PTPRT: variants seen among roughly 807,000 people sequenced by gnomAD.
PTPRT encodes the protein protein tyrosine phosphatase receptor type T, also known as receptor-type tyrosine-protein phosphatase T.
A neutral mutation model predicts 176.8 loss-of-function variants in PTPRT; 56 were observed. The observed-to-expected ratio is 0.32, with a 90% CI of 0.26 to 0.40. PTPRT has a LOEUF of 0.40. PTPRT is among the 10% of genes least tolerant of loss of function. The probability of loss-of-function intolerance (pLI) is 1.00; values close to 1 mark genes in which losing one functional copy is unlikely to be tolerated. For missense variants in PTPRT, 1,540 were observed against 1,908.2 expected (o/e 0.81, Z 3.60); for synonymous variants, 783 against 739.0 (o/e 1.06, Z -0.96).
chr20:42,755,249 C>T (rs1272897783), intron 6 of PTPRT, among the ~76,000 whole-genome samples: 1 of 152,150 alleles, frequency 6.6e-6, no homozygotes, highest in African/African-American at 2.4e-5. Flanking sequence ...GAATCCCAGC[C>T]TGCAACCCCC....
At chr20:42,110,820 A>G (rs1276676623) in intron 22 of PTPRT, among the ~76,000 whole-genome samples, 1 of 152,158 alleles carries the variant, frequency 6.6e-6, no homozygotes, top group Non-Finnish European at 1.5e-5. Context: ...AATGTTTCAT[A>G]GGAGGTGTAT....
chr20:43,137,261 G>C (rs1183697377), intron 1 of PTPRT, among the ~76,000 whole-genome samples: 2 of 152,204 alleles, frequency 1.3e-5, no homozygotes, highest in Non-Finnish European at 2.9e-5. Flanking sequence ...TGACCCCCAA[G>C]ATGTCAGTGT....
At chr20:42,573,260 C>T (rs1438991571) in intron 7 of PTPRT, among the ~76,000 whole-genome samples, 3 of 152,168 alleles carry the variant, frequency 2.0e-5, no homozygotes, top group African/African-American at 7.2e-5. Context: ...TGCACAAGCC[C>T]AGCCTGCACT....
intron 2 of PTPRT, among the ~76,000 whole-genome samples, chr20:42,850,845 C>T (rs560408913): frequency 6.6e-6 from 1 of 152,150 alleles, no homozygotes; most frequent in Non-Finnish European, 1.5e-5. Flanking sequence ...CAAAGAGCAG[C>T]CCTTGGACCA....
intron 7 of PTPRT, chr20:42,606,906 A>G (rs2073887085): frequency 6.6e-6 from 1 of 152,218 alleles, no homozygotes; most frequent in East Asian, 1.9e-4. Context: ...GCTATTCATC[A>G]TAGCTAAATT....
chr20:42,935,313 A>C (rs206642), intron 1 of PTPRT, among the ~76,000 whole-genome samples: 2,722 of 151,590 alleles, frequency 0.018, 78 homozygotes, highest in African/African-American at 0.063. Context: ...CTAATTTCTA[A>C]ATTTTTTGTA....
chr20:42,408,500 T>A (rs1478925683), intron 9 of PTPRT, among the ~76,000 whole-genome samples: 1 of 151,992 alleles, frequency 6.6e-6, no homozygotes, highest in Non-Finnish European at 1.5e-5. Flanking sequence ...GCAACAAAAT[T>A]AGGGCATGCA....
At chr20:42,124,200 G>A (rs776604753) in intron 19 of PTPRT, among the ~76,000 whole-genome samples, 1 of 152,226 alleles carries the variant, frequency 6.6e-6, no homozygotes, top group Non-Finnish European at 1.5e-5. Context: ...TTCGCCAAGA[G>A]CGAGTACAGA....
At chr20:42,983,522 A>G (rs1039109455) in intron 1 of PTPRT, among the ~76,000 whole-genome samples, 33 of 152,326 alleles carry the variant, frequency 2.2e-4, no homozygotes, top group African/African-American at 7.2e-4. Context: ...CCTGGATGCC[A>G]TATCCACTAT....
At chr20:42,064,306 G>C in the PTPRT span, among the ~76,000 whole-genome samples, 3 of 152,086 alleles carry the variant, frequency 2.0e-5, no homozygotes, top group Admixed American at 2.0e-4. Context: ...TTTGATTGAA[G>C]CGGCATTAAA....
chr20:42,123,806 G>A (rs1393757666), intron 19 of PTPRT, among the ~76,000 whole-genome samples: 1 of 152,208 alleles, frequency 6.6e-6, no homozygotes. Context: ...TCTGTGGAGA[G>A]TTCATCTCTG....
In PTPRT at chr20:42,672,341, T is replaced by A. The variant is rs961554275; in HGVS notation, c.1153+5525A>T. On this transcript the variant is annotated intron_variant, in intron 7 of 30. Transcript: ENST00000373187. ...ATTGGATGCTTCCTGTCCTTGTACA[T>A]CAGACTCCAAGTTCTTCAGCTTTGG... Among the ~76,000 whole-genome samples the A allele has an allele frequency of 5.6e-4, 86 of 152,332 alleles. 1 individual carries two copies. The highest frequency in any genetic ancestry group is 2.0e-3 in the African/African-American group (85 of 41,586).
intron 1 of PTPRT, among the ~76,000 whole-genome samples, chr20:43,061,447 C>T (rs1211671114): frequency 6.6e-6 from 1 of 152,192 alleles, no homozygotes; most frequent in East Asian, 1.9e-4. Context: ...CTTCACTGTA[C>T]TAGTCACCTT....
chr20:42,336,927 A>G (rs190318499), intron 11 of PTPRT, among the ~76,000 whole-genome samples: 1 of 152,236 alleles, frequency 6.6e-6, no homozygotes, highest in East Asian at 1.9e-4. Context: ...AGAGGAGGAG[A>G]TGTAGTATAT....
At chr20:42,237,974 G>A (rs1248984329) in intron 14 of PTPRT, among the ~76,000 whole-genome samples, 2 of 152,104 alleles carry the variant, frequency 1.3e-5, no homozygotes, top group Non-Finnish European at 2.9e-5. Context: ...TGGGGGATAC[G>A]TCTTCACAGC....
rs1982936145 is a variant in PTPRT, at chr20:42,077,889, T to G, written c.*2990A>C. 1 of 203,966 alleles carries G rather than the reference T, an allele frequency of 4.9e-6. No homozygotes were observed. The highest frequency in any genetic ancestry group is 2.3e-5 in the African/African-American group (1 of 43,294). The allele number at this position is 203,966 out of a possible 1,614,324, so 12.6% of individuals were successfully genotyped here. A position where few individuals can be genotyped will look rare whatever the true frequency, so the allele number is the denominator to read the frequency against. The stretch of plus-strand genomic sequence containing the variant: ...TACCATTTAAAATGATAAAAGCCAC[T>G]GTCTTTTGTATCTGCCAGCTATTTC... On this transcript the variant is annotated 3_prime_UTR_variant, in exon 31 of 31. Coordinates refer to ENST00000373187, the MANE Select transcript of PTPRT (RefSeq NM_007050.6).
At chr20:43,038,800 T>C (rs1434349190) in intron 1 of PTPRT, among the ~76,000 whole-genome samples, 2 of 152,052 alleles carry the variant, frequency 1.3e-5, no homozygotes, top group South Asian at 2.1e-4. Flanking sequence ...ATACGAGCAA[T>C]AGCCAATTAG....
chr20:43,124,391 C>T (rs572549736), intron 1 of PTPRT, among the ~76,000 whole-genome samples: 1 of 152,262 alleles, frequency 6.6e-6, no homozygotes, highest in South Asian at 2.1e-4. Flanking sequence ...AGATTCTGCA[C>T]ACATAACAAT....
intron 9 of PTPRT, among the ~76,000 whole-genome samples, chr20:42,434,969 GAAAAAAC>G (rs1555850454): frequency 4.1e-5 from 6 of 146,662 alleles, no homozygotes; most frequent in Admixed American, 6.8e-5. Context: ...CATCTCAAAG[GAAAAAAC>G]AAAAAACAAA....
Sources: gnomAD v4.1 joint callset for allele counts (sites outside exome capture counted in the v4.1 genomes callset) on GRCh38, gnomAD v4.1.1 for gene constraint, MANE v1.5 for transcripts, NCBI Gene and HGNC (gene_info 2026-07-23, HGNC 2026-07-21) for gene names.